The following NTM variants were observed in gnomAD, a reference collection of about 807,000 sequenced individuals.
NTM encodes the protein IgLON family member 2.
NTM carries 13 observed loss-of-function variants against 42.1 expected under a neutral mutation model. That is an observed-to-expected ratio of 0.31 (90% confidence interval 0.20 to 0.49). NTM has a LOEUF of 0.49. NTM is among the 20% of genes least tolerant of loss of function. NTM has a pLI of 0.99. For synonymous variants in NTM, 187 were observed against 179.2 expected, an observed-to-expected ratio of 1.04 and a Z score of -0.35; for missense variants, 373 against 452.8, an observed-to-expected ratio of 0.82 and a Z score of 1.60.
intron 1 of NTM, among the ~76,000 whole-genome samples, chr11:131,539,958 A>G (rs1430861580): frequency 2.0e-5 from 3 of 152,094 alleles, no homozygotes; most frequent in African/African-American, 7.2e-5. Flanking sequence ...AAATCCAAGG[A>G]ACACACGAAG....
chr11:131,946,410 A>G (rs191453798), intron 2 of NTM, among the ~76,000 whole-genome samples: 7 of 152,328 alleles, frequency 4.6e-5, no homozygotes, highest in African/African-American at 1.7e-4. Flanking sequence ...CACAAGGTCA[A>G]ATAGGCCATT....
At chr11:131,710,186 G>A (rs1031582603) in intron 1 of NTM, among the ~76,000 whole-genome samples, 10 of 152,078 alleles carry the variant, frequency 6.6e-5, no homozygotes, top group Non-Finnish European at 2.9e-5. Flanking sequence ...ACCAACTCAG[G>A]ACAACTCTCA....
At chr11:131,919,997 G>A (rs944530404) in intron 2 of NTM, among the ~76,000 whole-genome samples, 4 of 152,152 alleles carry the variant, frequency 2.6e-5, no homozygotes, top group African/African-American at 9.7e-5. Context: ...ATTTCTGAGA[G>A]GGAGCGAGAA....
At chr11:131,902,773 A>G (rs2053352345) in intron 1 of NTM, among the ~76,000 whole-genome samples, 1 of 152,198 alleles carries the variant, frequency 6.6e-6, no homozygotes, top group Non-Finnish European at 1.5e-5. Context: ...AGGGATAGCA[A>G]ATATCAGTTC....
chr11:131,646,396 T>C (rs568061661), intron 1 of NTM, among the ~76,000 whole-genome samples: 1 of 152,192 alleles, frequency 6.6e-6, no homozygotes, highest in Admixed American at 6.5e-5. Flanking sequence ...GAAAAAAAAT[T>C]CTACAAGTCC....
intron 1 of NTM, among the ~76,000 whole-genome samples, chr11:131,379,263 T>C (rs559547372): frequency 2.6e-5 from 4 of 152,304 alleles, no homozygotes; most frequent in African/African-American, 9.6e-5. Context: ...CCAGCCTCTA[T>C]CTCCAGTGAT....
chr11:131,843,928 T>C (rs942874442), intron 1 of NTM, among the ~76,000 whole-genome samples: 4 of 152,150 alleles, frequency 2.6e-5, no homozygotes, highest in Non-Finnish European at 4.4e-5. Flanking sequence ...GAATTCTTTT[T>C]TACATGCATT....
At chr11:132,307,344 G>C (rs2095124334) in intron 4 of NTM, among the ~76,000 whole-genome samples, 1 of 152,134 alleles carries the variant, frequency 6.6e-6, no homozygotes, top group African/African-American at 2.4e-5. Context: ...AAAGAGTTAA[G>C]GTGCCTGACT....
At chr11:132,158,714 C>T (rs563260434) in intron 3 of NTM, among the ~76,000 whole-genome samples, 34 of 152,288 alleles carry the variant, frequency 2.2e-4, no homozygotes, top group African/African-American at 5.8e-4. Flanking sequence ...TTTGGTCAGG[C>T]GTGAGAGCAT....
intron 4 of NTM, among the ~76,000 whole-genome samples, chr11:132,264,794 G>A (rs1290946801): frequency 2.0e-5 from 3 of 152,018 alleles, no homozygotes; most frequent in Admixed American, 1.3e-4. Context: ...CAATGTTTCC[G>A]ACAGACATAA....
At chr11:131,644,542 G>A (rs76921473) in intron 1 of NTM, among the ~76,000 whole-genome samples, 3,920 of 152,216 alleles carry the variant, frequency 0.026, 185 homozygotes, top group African/African-American at 0.089. Flanking sequence ...TTCATTACTC[G>A]CCACAGAAGT....
intron 1 of NTM, among the ~76,000 whole-genome samples, chr11:131,822,601 A>T (rs1026111460): frequency 4.6e-5 from 7 of 152,212 alleles, no homozygotes; most frequent in African/African-American, 1.7e-4. Context: ...TTGAATCAGC[A>T]ACTGATAAGG....
intron 1 of NTM, chr11:131,774,219 C>A: frequency 1.5e-6 from 1 of 655,302 alleles, no homozygotes; most frequent in Non-Finnish European, 1.9e-6. Context: ...ACCCCTCAGG[C>A]ACTGATTTTT....
At chr11:131,764,822 C>T (rs1008023430) in intron 1 of NTM, among the ~76,000 whole-genome samples, 1 of 152,136 alleles carries the variant, frequency 6.6e-6, no homozygotes, top group African/African-American at 2.4e-5. Context: ...CAGGAGCTCC[C>T]TTCTCACAGA....
intron 1 of NTM, among the ~76,000 whole-genome samples, chr11:131,589,597 GT>G (rs1157005243): frequency 1.3e-5 from 2 of 152,104 alleles, no homozygotes; most frequent in South Asian, 2.1e-4. Context: ...ATCATTATTT[GT>G]TTTTTTGTAT....
Position 132,335,220 on chromosome 11 carries a change from G to A in NTM, c.*74G>A, listed in dbSNP as rs1165422591. ...CCAACACAACAGCAATGGCAACACCGACAGCAACCAATCAGATATATACAA... is the reference window on the plus strand; with the variant it reads ...CCAACACAACAGCAATGGCAACACCAACAGCAACCAATCAGATATATACAA... On this transcript the variant is annotated 3_prime_UTR_variant, in exon 9 of 9. Transcript: ENST00000683400. 37 of 1,507,790 alleles carry A rather than the reference G, an allele frequency of 2.5e-5. No homozygotes were observed. The highest frequency in any genetic ancestry group is 3.4e-4 in the Middle Eastern group (2 of 5,858). The allele number at this position is 1,507,790 out of a possible 1,614,324, so 93.4% of individuals were successfully genotyped here. A position where few individuals can be genotyped will look rare whatever the true frequency, so the allele number is the denominator to read the frequency against.
chr11:131,758,760 T>C (rs2083686388), intron 1 of NTM, among the ~76,000 whole-genome samples: 1 of 152,008 alleles, frequency 6.6e-6, no homozygotes, highest in Non-Finnish European at 1.5e-5. Context: ...CCCAGCTCAC[T>C]TTTGTATTTT....
intron 1 of NTM, among the ~76,000 whole-genome samples, chr11:131,492,509 G>C (rs1289090642): frequency 6.6e-6 from 1 of 152,152 alleles, no homozygotes; most frequent in Non-Finnish European, 1.5e-5. Context: ...GTAGCTTAGA[G>C]AAACAAGTCC....
intron 2 of NTM, among the ~76,000 whole-genome samples, chr11:132,116,467 C>G (rs1344347870): frequency 2.0e-5 from 3 of 152,176 alleles, no homozygotes; most frequent in Non-Finnish European, 4.4e-5. Context: ...TTTCTGGATA[C>G]AGAGCAAGGC....
Sources: allele counts gnomAD v4.1 joint callset (sites outside exome capture counted in the v4.1 genomes callset), GRCh38; gene constraint gnomAD v4.1.1; transcripts MANE v1.5; gene names NCBI Gene and HGNC (gene_info 2026-07-23, HGNC 2026-07-21).